Variants in DIS3L2 observed in about 807,000 individuals in gnomAD.
DIS3L2 encodes the protein DIS3 like 3'-5' exoribonuclease 2, also known as DIS3-like exonuclease 2.
A neutral mutation model predicts 97.5 loss-of-function variants in DIS3L2; 34 were observed. That is an observed-to-expected ratio of 0.35 (90% CI 0.27 to 0.46). DIS3L2 has a LOEUF of 0.46. Ranked by LOEUF, DIS3L2 falls within the 20% of genes least tolerant of loss-of-function variation. The probability of loss-of-function intolerance (pLI) is 1.00; values close to 1 mark genes in which losing one functional copy is unlikely to be tolerated. For missense variants in DIS3L2, 1,038 were observed against 1,146.0 expected, an observed-to-expected ratio of 0.91 and a Z score of 1.36; for synonymous variants, 435 against 445.2, an observed-to-expected ratio of 0.98 and a Z score of 0.29.
At chr2:232,102,070 T>A (rs1454685015) in intron 6 of DIS3L2, among the ~76,000 whole-genome samples, 1 of 152,234 alleles carries the variant, frequency 6.6e-6, no homozygotes, top group African/African-American at 2.4e-5. Context: ...ATTGGGATAG[T>A]CTGACATTTT....
chr2:232,080,328 T>C (rs1426093475), intron 5 of DIS3L2, among the ~76,000 whole-genome samples: 1 of 152,094 alleles, frequency 6.6e-6, no homozygotes, highest in Non-Finnish European at 1.5e-5. Context: ...ATCTGGGCAA[T>C]TGAATATAAG....
intron 1 of DIS3L2, among the ~76,000 whole-genome samples, chr2:232,003,824 CA>C (rs1338921395): frequency 6.6e-6 from 1 of 152,134 alleles, no homozygotes; most frequent in African/African-American, 2.4e-5. Flanking sequence ...TGCTGCCATT[CA>C]AAATGTTGTT....
chr2:232,080,839 T>C (rs531403282), intron 5 of DIS3L2, among the ~76,000 whole-genome samples: 1 of 149,024 alleles, frequency 6.7e-6, no homozygotes, highest in South Asian at 2.1e-4. Context: ...AGGTGGAGGT[T>C]GCAGTGAGCC....
At chr2:232,038,146 A>G (rs1695004642) in intron 5 of DIS3L2, among the ~76,000 whole-genome samples, 1 of 152,166 alleles carries the variant, frequency 6.6e-6, no homozygotes, top group Non-Finnish European at 1.5e-5. Context: ...TTTTAGGTAT[A>G]TAGGTTGATT....
chr2:232,321,978 A>C (rs1358346931), intron 14 of DIS3L2, among the ~76,000 whole-genome samples: 1 of 152,152 alleles, frequency 6.6e-6, no homozygotes, highest in Non-Finnish European at 1.5e-5. Flanking sequence ...GGCAGGTGGA[A>C]AGCCAGGTTC....
intron 11 of DIS3L2, among the ~76,000 whole-genome samples, chr2:232,245,594 T>C (rs1002990267): frequency 2.0e-5 from 3 of 152,264 alleles, no homozygotes; most frequent in Non-Finnish European, 2.9e-5. Flanking sequence ...GAGAATTTCG[T>C]CTGAATTCTG....
chr2:232,024,308 A>G lies in DIS3L2; in HGVS notation c.242A>G (p.His81Arg), dbSNP rs1559550472. The G allele has an allele frequency of 6.2e-7, 1 of 1,604,328 alleles. No homozygotes were observed. Among genetic ancestry groups the G allele is most frequent in the East Asian group, 2.2e-5 (1 of 44,636 alleles). The change falls in exon 4 of 21, where the codon CAT becomes CGT. Residue 81 changes from histidine (H) to arginine (R), a missense_variant. By Grantham distance (29) the His-to-Arg change is conservative (BLOSUM62 0). This residue lies in a region of DIS3L2 where 813 missense variants were observed against 880.1 expected (regional missense o/e 0.92). Coordinates refer to ENST00000325385, the MANE Select transcript of DIS3L2 (RefSeq NM_152383.5). ...GVLRINPKKFHEAFIPSPDGD... is the reference protein window; with the variant it reads ...GVLRINPKKFREAFIPSPDGD... ...TTGAGAATTAATCCAAAGAAGTTTC[A>G]TGAAGCCTTCATTCCTTCCCCGGTA... is the stretch of plus-strand genomic sequence containing the variant.
intron 14 of DIS3L2, among the ~76,000 whole-genome samples, chr2:232,317,529 C>T (rs1398981049): frequency 2.6e-5 from 4 of 152,124 alleles, no homozygotes; most frequent in Admixed American, 6.5e-5. Flanking sequence ...CTCTGCTTGC[C>T]GGGTTCAAGC....
intron 5 of DIS3L2, among the ~76,000 whole-genome samples, chr2:232,074,463 G>C (rs2106290697): frequency 6.6e-6 from 1 of 151,986 alleles, no homozygotes; most frequent in East Asian, 1.9e-4. Context: ...ATGTGCCATG[G>C]ATCATGGGAG....
At chr2:232,216,373 T>C (rs1312652888) in intron 10 of DIS3L2, among the ~76,000 whole-genome samples, 1 of 152,234 alleles carries the variant, frequency 6.6e-6, no homozygotes, top group Non-Finnish European at 1.5e-5. Flanking sequence ...GTCGCCTTTT[T>C]AACTCATCTT....
At chr2:232,164,184 C>A (rs553772360) in intron 9 of DIS3L2, among the ~76,000 whole-genome samples, 1 of 152,282 alleles carries the variant, frequency 6.6e-6, no homozygotes, top group Admixed American at 6.5e-5. Flanking sequence ...GTGAGAAGTG[C>A]CTTCCTTTAA....
intron 14 of DIS3L2, among the ~76,000 whole-genome samples, chr2:232,305,693 G>A (rs1694970800): frequency 6.6e-6 from 1 of 152,022 alleles, no homozygotes. Context: ...AGTGGCTCAC[G>A]CCTGTAATCC....
chr2:232,195,141 A>C (rs561340723), intron 9 of DIS3L2, among the ~76,000 whole-genome samples: 1 of 152,332 alleles, frequency 6.6e-6, no homozygotes, highest in East Asian at 1.9e-4. Flanking sequence ...CCATTAATGA[A>C]AAGAAGGACA....
intron 12 of DIS3L2, among the ~76,000 whole-genome samples, chr2:232,254,483 T>C (rs1214644453): frequency 2.7e-5 from 4 of 147,808 alleles, no homozygotes; most frequent in African/African-American, 9.7e-5. Flanking sequence ...TTTTTTGTAT[T>C]TTCTAATGTT....
intron 13 of DIS3L2, among the ~76,000 whole-genome samples, chr2:232,280,563 G>C (rs1694256483): frequency 6.6e-6 from 1 of 152,148 alleles, no homozygotes; most frequent in African/African-American, 2.4e-5. Context: ...TAGTCAACAA[G>C]GCAGCTTGCT....
chr2:232,171,646 G>A (rs917042917), intron 9 of DIS3L2, among the ~76,000 whole-genome samples: 2 of 152,124 alleles, frequency 1.3e-5, no homozygotes, highest in African/African-American at 4.8e-5. Flanking sequence ...TAAATTGTTT[G>A]GCATCAAATG....
chr2:232,000,728 T>C (rs12471580), intron 1 of DIS3L2, among the ~76,000 whole-genome samples: 30,523 of 135,730 alleles, frequency 0.22, 6,358 homozygotes, highest in African/African-American at 0.57. Flanking sequence ...TCTTCTTCTT[T>C]TTTTTTTTTT....
At chr2:232,114,385 A>G (rs1697638580) in intron 6 of DIS3L2, among the ~76,000 whole-genome samples, 1 of 152,158 alleles carries the variant, frequency 6.6e-6, no homozygotes, top group Non-Finnish European at 1.5e-5. Flanking sequence ...AATGAGAGTA[A>G]CTTGGTTTCT....
chr2:232,315,170 A>G (rs1559208265), intron 14 of DIS3L2, among the ~76,000 whole-genome samples: 1 of 152,270 alleles, frequency 6.6e-6, no homozygotes, highest in East Asian at 1.9e-4. Context: ...ATGAACAGGG[A>G]CACTCAATTC....
Sources: allele counts gnomAD v4.1 joint callset (sites outside exome capture counted in the v4.1 genomes callset), GRCh38; gene constraint gnomAD v4.1.1; regional missense constraint gnomAD v4.1.1; transcripts MANE v1.5; gene names NCBI Gene and HGNC (gene_info 2026-07-23, HGNC 2026-07-21).